Variants in SLC12A6 observed in about 807,000 individuals in gnomAD.
The protein encoded by SLC12A6 is K-Cl cotransporter 3.
A neutral mutation model predicts 135.3 loss-of-function variants in SLC12A6; 66 were observed. That is an observed-to-expected ratio of 0.49 (90% CI 0.40 to 0.60). The LOEUF (loss-of-function observed/expected upper bound fraction) is 0.60. Among genes scored for constraint, SLC12A6 ranks in the 20% least tolerant of loss-of-function variants. The pLI is 0.00. For missense variants in SLC12A6, 1,058 were observed against 1,452.3 expected, an observed-to-expected ratio of 0.73 and a Z score of 4.41; for synonymous variants, 513 against 508.8, an observed-to-expected ratio of 1.01 and a Z score of -0.11.
At position 34,336,687 on chromosome 15, in the gene SLC12A6, CTTTTT is replaced by C; in HGVS notation, c.-12_-8del. 1.2e-6 allele frequency: 2 copies of C among 1,613,888 alleles called. No individual in the cohort carries two copies. The highest frequency in any genetic ancestry group is 8.5e-7 in the Non-Finnish European group (1 of 1,179,800). ...TGGTTTCTGGAGGATGCATTTTGTT[CTTTTT>C]AAGAACAAAAAAAGTGGGGGGAACC... On this transcript the variant is annotated 5_prime_UTR_variant, in exon 2 of 26. Coordinates refer to ENST00000354181, the MANE Select transcript of SLC12A6 (RefSeq NM_001365088.1).
intron 2 of SLC12A6, among the ~76,000 whole-genome samples, chr15:34,333,431 G>A (rs1042985222): frequency 6.6e-6 from 1 of 151,660 alleles, no homozygotes; most frequent in Admixed American, 6.6e-5. Flanking sequence ...GGGTTTCACC[G>A]TGTTCCCCAG....
In SLC12A6 at chr15:34,260,791, T is replaced by C. The variant is rs78521190; in HGVS notation, c.411+135A>G. On this transcript the variant is annotated intron_variant, in intron 4 of 25. Coordinates refer to ENST00000354181, the MANE Select transcript of SLC12A6 (RefSeq NM_001365088.1). Reference sequence around the variant, plus strand: ...ATTACACAGACAAAATTTACTATAATAACAAGTTACAATATTTTCTTTTAA... The same window carrying C: ...ATTACACAGACAAAATTTACTATAACAACAAGTTACAATATTTTCTTTTAA... 0.05 allele frequency: 31,813 copies of C among 632,080 alleles called. 938 individuals carry two copies. Among genetic ancestry groups the C allele is most frequent in the Middle Eastern group, 0.067 (154 of 2,284 alleles). 39.2% of individuals were successfully genotyped at this position (632,080 alleles called of 1,614,324 possible).
At chr15:34,259,950 G>A (rs1269240181) in intron 4 of SLC12A6, among the ~76,000 whole-genome samples, 5 of 152,264 alleles carry the variant, frequency 3.3e-5, no homozygotes, top group Admixed American at 6.5e-5. Flanking sequence ...AGGGGAAGGG[G>A]GAGAGGTTAG....
intron 13 of SLC12A6, among the ~76,000 whole-genome samples, chr15:34,249,740 G>A (rs145789955): frequency 8.5e-5 from 13 of 152,186 alleles, no homozygotes; most frequent in East Asian, 7.7e-4. Context: ...TTTTGGTCTC[G>A]TTTCTGAACA....
intron 2 of SLC12A6, among the ~76,000 whole-genome samples, chr15:34,327,977 T>C (rs1889585860): frequency 6.6e-6 from 1 of 152,130 alleles, no homozygotes; most frequent in African/African-American, 2.4e-5. Context: ...AGTTTTTTGC[T>C]CAAGGCCACG....
intron 2 of SLC12A6, among the ~76,000 whole-genome samples, chr15:34,293,409 A>G (rs1209818791): frequency 2.0e-5 from 3 of 152,052 alleles, no homozygotes; most frequent in African/African-American, 7.2e-5. Context: ...GGTTCAAGCA[A>G]TTCTCCTGCC....
At chr15:34,257,007 C>G (rs1892797867) in intron 6 of SLC12A6, among the ~76,000 whole-genome samples, 1 of 152,120 alleles carries the variant, frequency 6.6e-6, no homozygotes, top group Non-Finnish European at 1.5e-5. Flanking sequence ...TGAACTGTGC[C>G]TGCTTAACCT....
At chr15:34,258,003 T>G (rs935859173) in intron 5 of SLC12A6, among the ~76,000 whole-genome samples, 31 of 23,776 alleles carry the variant, frequency 1.3e-3, no homozygotes, top group Admixed American at 8.9e-3. Flanking sequence ...ATTTTAACTT[T>G]ACAAAGGTTC....
At chr15:34,318,181 G>A (rs1343761160) in intron 2 of SLC12A6, among the ~76,000 whole-genome samples, 1 of 152,176 alleles carries the variant, frequency 6.6e-6, no homozygotes, top group Non-Finnish European at 1.5e-5. Context: ...AAACTGCTAA[G>A]TTTAAATGTC....
chr15:34,291,244 T>G (rs931284941), intron 2 of SLC12A6, among the ~76,000 whole-genome samples: 10 of 152,330 alleles, frequency 6.6e-5, no homozygotes, highest in African/African-American at 2.2e-4. Flanking sequence ...CTTATGAAGC[T>G]TAGTTTGGCT....
Position 34,236,794 on chromosome 15 carries a change from A to C in SLC12A6, c.2956T>G (p.Tyr986Asp). ...VEMHDSDISA[Y>D]TYERTLMMEQ... ...ATCATCAAAGTGCGCTCGTAAGTAT[A>C]TGCTGATATATCACTGTCATGCTGC... Residue 986 changes from tyrosine (Y) to aspartate (D), a missense_variant, in exon 23 of 26, where the codon TAT becomes GAT. By Grantham distance (160) the Tyr-to-Asp change is radical. Transcript: ENST00000354181. The C allele has an allele frequency of 1.9e-6, 3 of 1,607,648 alleles. No individual in the cohort carries two copies. Among genetic ancestry groups the C allele is most frequent in the Non-Finnish European group, 2.6e-6 (3 of 1,174,066 alleles).
At chr15:34,285,711 TGTTTG>T (rs1566839587) in intron 2 of SLC12A6, among the ~76,000 whole-genome samples, 37 of 24,928 alleles carry the variant, frequency 1.5e-3, no homozygotes, top group African/African-American at 3.7e-3. Flanking sequence ...TGTGTGTGTG[TGTTTG>T]TCATACATAA....
chr15:34,235,358 T>G (rs1376901461), intron 24 of SLC12A6, 44 bp from the exon 25 acceptor site: 1 of 1,570,198 alleles, frequency 6.4e-7, no homozygotes, highest in Non-Finnish European at 8.8e-7. Context: ...AAAAGACAAC[T>G]AGCCATAAAG....
chr15:34,250,349 C>G lies in SLC12A6; in HGVS notation c.1598G>C (p.Ser533Thr), dbSNP rs368900239. Reference sequence around the variant, plus strand: ...ACATGCACCAAAAAGGACAACATTGCTTAAATCTACCATATTGAGAGTCAA... The same window carrying G: ...ACATGCACCAAAAAGGACAACATTGGTTAAATCTACCATATTGAGAGTCAA... ...AILTTSFVYL[S>T]NVVLFGACIE... Residue 533 changes from serine to threonine, a missense_variant, in exon 13 of 26, where the codon AGC becomes ACC. Physicochemically the swap from Ser to Thr is moderately conservative, Grantham distance 58. Coordinates refer to ENST00000354181, the MANE Select transcript of SLC12A6 (RefSeq NM_001365088.1). 1 of 1,586,156 alleles carries G rather than the reference C, an allele frequency of 6.3e-7. No individual in the cohort carries two copies. Among genetic ancestry groups the G allele is most frequent in the African/African-American group, 1.3e-5 (1 of 74,408 alleles).
At chr15:34,288,880 T>C (rs1250460102) in intron 2 of SLC12A6, among the ~76,000 whole-genome samples, 3 of 152,214 alleles carry the variant, frequency 2.0e-5, no homozygotes, top group African/African-American at 7.2e-5. Flanking sequence ...TAAGGAGATT[T>C]TGGGCTGAGA....
Position 34,243,983 on chromosome 15 carries a change from T to C in SLC12A6, c.2033A>G (p.Tyr678Cys), listed in dbSNP as rs1566806106. 1.9e-6 allele frequency: 3 copies of C among 1,571,356 alleles called. No individual in the cohort carries two copies. The highest frequency in any genetic ancestry group is 8.8e-7 in the Non-Finnish European group (1 of 1,141,004). ...RTPNWRPRFR[Y>C]YHWALSFMGM... Reference sequence around the variant, plus strand: ...AAAGAAGCAGACTTACCAATGGTAGTAGCGGAATCGGGGTCTCCAGTTGGG... The same window carrying C: ...AAAGAAGCAGACTTACCAATGGTAGCAGCGGAATCGGGGTCTCCAGTTGGG... Residue 678 changes from tyrosine (Y) to cysteine (C), a missense_variant, in exon 16 of 26, where the codon TAC becomes TGC. This residue lies in a region of SLC12A6 where 170 missense variants were observed against 297.6 expected (regional missense o/e 0.57). Transcript: ENST00000354181.
chr15:34,330,600 T>C (rs936004261), intron 2 of SLC12A6, among the ~76,000 whole-genome samples: 1 of 151,500 alleles, frequency 6.6e-6, no homozygotes, highest in Non-Finnish European at 1.5e-5. Context: ...CTCAGAAAGT[T>C]GAGGCTGCAG....
chr15:34,321,347 T>A (rs1368732962), intron 2 of SLC12A6, among the ~76,000 whole-genome samples: 1 of 152,172 alleles, frequency 6.6e-6, no homozygotes, highest in Non-Finnish European at 1.5e-5. Context: ...AGAAAACTAG[T>A]AAAGCTGAGG....
intron 2 of SLC12A6, among the ~76,000 whole-genome samples, chr15:34,322,838 C>T (rs574717855): frequency 2.0e-5 from 3 of 151,420 alleles, no homozygotes; most frequent in South Asian, 2.1e-4. Context: ...ATTAGCCAGT[C>T]GTGATGGTGA....
Sources: allele counts gnomAD v4.1 joint callset (sites outside exome capture counted in the v4.1 genomes callset), GRCh38; gene constraint gnomAD v4.1.1; regional missense constraint gnomAD v4.1.1; transcripts MANE v1.5; gene names NCBI Gene and HGNC (gene_info 2026-07-23, HGNC 2026-07-21).